The following DCC variants were observed in gnomAD, a reference collection of about 807,000 sequenced individuals.
DCC encodes netrin receptor DCC.
DCC carries 58 observed loss-of-function variants against 172.5 expected under a neutral mutation model. That is an observed-to-expected ratio of 0.34 (90% CI 0.27 to 0.42). The LOEUF is 0.42. Among genes scored for constraint, DCC ranks in the 10% least tolerant of loss-of-function variants. DCC has a pLI of 1.00. For missense variants in DCC, 1,740 were observed against 1,791.0 expected, an observed-to-expected ratio of 0.97 and a Z score of 0.51; for synonymous variants, 709 against 644.5, an observed-to-expected ratio of 1.10 and a Z score of -1.52.
intron 22 of DCC, among the ~76,000 whole-genome samples, chr18:53,446,404 A>C (rs1271128270): frequency 6.6e-6 from 1 of 152,122 alleles, no homozygotes; most frequent in Non-Finnish European, 1.5e-5. Context: ...ACAGTGCCCT[A>C]TAGGATATTT....
At chr18:53,495,132 C>A (rs2046004106) in intron 26 of DCC, among the ~76,000 whole-genome samples, 1 of 152,168 alleles carries the variant, frequency 6.6e-6, no homozygotes, top group South Asian at 2.1e-4. Context: ...TGACTCATGC[C>A]TGTAATCCCA....
At chr18:52,581,600 A>G (rs1281183854) in intron 1 of DCC, among the ~76,000 whole-genome samples, 1 of 152,036 alleles carries the variant, frequency 6.6e-6, no homozygotes, top group Non-Finnish European at 1.5e-5. Flanking sequence ...CCATCTATAC[A>G]TGTCACTTTT....
intron 15 of DCC, among the ~76,000 whole-genome samples, chr18:53,372,496 T>C (rs2058069209): frequency 6.6e-6 from 1 of 151,714 alleles, no homozygotes; most frequent in Admixed American, 6.6e-5. Flanking sequence ...TTAGAAAAAA[T>C]ACCCATTGAG....
chr18:52,658,844 T>C (rs1055605841), intron 1 of DCC, among the ~76,000 whole-genome samples: 1 of 152,196 alleles, frequency 6.6e-6, no homozygotes, highest in Non-Finnish European at 1.5e-5. Context: ...ATTTAAATTT[T>C]CATGTGAAGT....
intron 3 of DCC, among the ~76,000 whole-genome samples, chr18:52,914,567 A>T (rs1198570639): frequency 6.6e-6 from 1 of 152,144 alleles, no homozygotes; most frequent in African/African-American, 2.4e-5. Flanking sequence ...TTACAGCCAG[A>T]TGGAAGTTTT....
chr18:52,415,760 C>T (rs943928737), intron 1 of DCC, among the ~76,000 whole-genome samples: 3 of 152,092 alleles, frequency 2.0e-5, no homozygotes, highest in African/African-American at 7.2e-5. Context: ...TGATTCTTCT[C>T]TCTTTTCTTC....
intron 15 of DCC, among the ~76,000 whole-genome samples, chr18:53,366,245 CG>C (rs1326948390): frequency 6.6e-6 from 1 of 152,012 alleles, no homozygotes; most frequent in Non-Finnish European, 1.5e-5. Flanking sequence ...TTAGTAGAGA[CG>C]GGGTTTCACC....
At chr18:52,743,654 C>G (rs1345655470) in intron 1 of DCC, among the ~76,000 whole-genome samples, 4 of 152,156 alleles carry the variant, frequency 2.6e-5, no homozygotes, top group Admixed American at 2.0e-4. Context: ...ACTTCTTGCC[C>G]TTTAAAAACC....
At chr18:53,246,785 G>A (rs2056370318) in intron 12 of DCC, among the ~76,000 whole-genome samples, 1 of 151,996 alleles carries the variant, frequency 6.6e-6, no homozygotes, top group Admixed American at 6.6e-5. Flanking sequence ...TTTAGTAGTA[G>A]AATAGCCGAA....
intron 12 of DCC, among the ~76,000 whole-genome samples, chr18:53,279,297 C>T (rs1376253357): frequency 1.3e-5 from 2 of 151,886 alleles, no homozygotes; most frequent in Non-Finnish European, 2.9e-5. Context: ...CACATATACA[C>T]CATGGAATAC....
At chr18:52,467,778 T>C (rs552024421) in intron 1 of DCC, among the ~76,000 whole-genome samples, 2 of 152,332 alleles carry the variant, frequency 1.3e-5, no homozygotes, top group South Asian at 2.1e-4. Context: ...GGGGTTTGAT[T>C]TGCATTTCTC....
intron 17 of DCC, among the ~76,000 whole-genome samples, chr18:53,396,725 G>A (rs1908966962): frequency 6.6e-6 from 1 of 152,108 alleles, no homozygotes; most frequent in Non-Finnish European, 1.5e-5. Flanking sequence ...ATGAGCAGTA[G>A]AACTCTAATC....
At chr18:53,242,517 C>G (rs1196510926) in intron 12 of DCC, among the ~76,000 whole-genome samples, 1 of 152,146 alleles carries the variant, frequency 6.6e-6, no homozygotes, top group African/African-American at 2.4e-5. Context: ...TAGATACCTA[C>G]TACTGTAAGC....
chr18:53,148,121 A>G (rs907121570), intron 7 of DCC, among the ~76,000 whole-genome samples: 28 of 152,212 alleles, frequency 1.8e-4, no homozygotes, highest in Non-Finnish European at 2.9e-4. Flanking sequence ...CTTGTCAGCT[A>G]TTTTACTTTA....
At chr18:52,612,066 T>A (rs994572886) in intron 1 of DCC, among the ~76,000 whole-genome samples, 2 of 152,184 alleles carry the variant, frequency 1.3e-5, no homozygotes, top group Admixed American at 6.5e-5. Flanking sequence ...TGTGGGTTGA[T>A]GACTCTCCTG....
chr18:52,851,597 C>T (rs1384728699), intron 2 of DCC, among the ~76,000 whole-genome samples: 3 of 152,000 alleles, frequency 2.0e-5, no homozygotes, highest in Non-Finnish European at 4.4e-5. Context: ...CCAAAATTCC[C>T]TTAGCCCTCC....
At chr18:52,607,100 T>C (rs1245276679) in intron 1 of DCC, among the ~76,000 whole-genome samples, 1 of 152,112 alleles carries the variant, frequency 6.6e-6, no homozygotes, top group East Asian at 1.9e-4. Context: ...AAAGATAGTA[T>C]GTCCAATATG....
At chr18:52,469,284 C>G (rs911567600) in intron 1 of DCC, among the ~76,000 whole-genome samples, 2 of 152,074 alleles carry the variant, frequency 1.3e-5, no homozygotes, top group Non-Finnish European at 2.9e-5. Context: ...TCTCAAAGTC[C>G]TGAGCTCAGG....
At chr18:52,341,277 T>C (rs1983623761) in intron 1 of DCC, among the ~76,000 whole-genome samples, 1 of 152,038 alleles carries the variant, frequency 6.6e-6, no homozygotes, top group Non-Finnish European at 1.5e-5. Context: ...GAGGAGGACA[T>C]CCAGGGGCTT....
Sources: allele counts gnomAD v4.1 joint callset (sites outside exome capture counted in the v4.1 genomes callset), GRCh38; gene constraint gnomAD v4.1.1; transcripts MANE v1.5; gene names NCBI Gene and HGNC (gene_info 2026-07-23, HGNC 2026-07-21).